The following SLIT1 variants were observed in gnomAD, a reference collection of about 807,000 sequenced individuals.
SLIT1 encodes slit homolog 1 protein.
A neutral mutation model predicts 186.1 loss-of-function variants in SLIT1; 66 were observed. The ratio of observed to expected loss-of-function variants is 0.35; its 90% CI spans 0.29 to 0.44. The LOEUF is 0.44. Ranked by LOEUF, SLIT1 falls within the 20% of genes least tolerant of loss-of-function variation. SLIT1 has a pLI of 1.00. For missense variants in SLIT1, 1,638 were observed against 2,037.4 expected, an observed-to-expected ratio of 0.80 and a Z score of 3.77; for synonymous variants, 761 against 833.8, an observed-to-expected ratio of 0.91 and a Z score of 1.50.
intron 12 of SLIT1, 136 bp downstream of exon 12, chr10:97,057,074 G>T (rs1848844100): frequency 6.1e-6 from 4 of 659,768 alleles, no homozygotes; most frequent in African/African-American, 1.8e-5. Context: ...AGCCCTAGTG[G>T]GTCTGCCTGT....
chr10:97,062,260 C>T (rs1402534261), intron 8 of SLIT1, among the ~76,000 whole-genome samples: 5 of 152,076 alleles, frequency 3.3e-5, no homozygotes, highest in Non-Finnish European at 5.9e-5. Context: ...CAGAGCACAG[C>T]GGTGTTCAAG....
chr10:97,057,150 G>A (rs1441521555), intron 12 of SLIT1, 60 bp downstream of exon 12: 1 of 1,374,360 alleles, frequency 7.3e-7, no homozygotes. Flanking sequence ...AGTCTAGCAG[G>A]CCAGAGGAAA....
chr10:97,029,004 T>C (rs1260142013), intron 25 of SLIT1, among the ~76,000 whole-genome samples: 1 of 152,196 alleles, frequency 6.6e-6, no homozygotes. Flanking sequence ...GGTCCAGCCC[T>C]GGAATCTTCA....
intron 4 of SLIT1, among the ~76,000 whole-genome samples, chr10:97,087,373 C>T (rs773923587): frequency 3.9e-5 from 6 of 152,242 alleles, no homozygotes; most frequent in Non-Finnish European, 7.3e-5. Context: ...CCTGTTCCCC[C>T]AAACAAACAC....
In SLIT1 at chr10:97,004,924, C is replaced by G; in HGVS notation, c.3580-101G>C. The G allele has an allele frequency of 1.4e-6, 2 of 1,422,100 alleles. No homozygotes were observed. The highest frequency in any genetic ancestry group is 3.6e-5 in the Admixed American group (2 of 55,962). 88.1% of individuals were successfully genotyped at this position (1,422,100 alleles called of 1,614,324 possible). A position where few individuals can be genotyped will look rare whatever the true frequency, so the allele number is the denominator to read the frequency against. On this transcript the variant is annotated intron_variant, in intron 32 of 36. Coordinates refer to ENST00000266058, the MANE Select transcript of SLIT1 (RefSeq NM_003061.3). The surrounding 1 kb of genome is among the most constrained non-coding windows in gnomAD (Gnocchi z 5.1). ...GGCACCCAAGATTGGAAGAGAGATG[C>G]TCTGTGCAGAGCGCTCTTCCCCCAC...
At chr10:97,049,721 G>A (rs1302696507) in intron 13 of SLIT1, among the ~76,000 whole-genome samples, 3 of 152,190 alleles carry the variant, frequency 2.0e-5, no homozygotes, top group Non-Finnish European at 2.9e-5. Flanking sequence ...CAGGCCACAG[G>A]AGTGACCTCT....
At chr10:97,135,804 G>A (rs974886334) in intron 4 of SLIT1, among the ~76,000 whole-genome samples, 1 of 152,194 alleles carries the variant, frequency 6.6e-6, no homozygotes, top group Non-Finnish European at 1.5e-5. Flanking sequence ...ACCAGGTCGG[G>A]GAGTGGGTCC....
At chr10:97,173,180 A>G (rs1850212849) in intron 1 of SLIT1, among the ~76,000 whole-genome samples, 1 of 152,144 alleles carries the variant, frequency 6.6e-6, no homozygotes, top group Non-Finnish European at 1.5e-5. Flanking sequence ...CCTCAGGAGG[A>G]AAGAGGAAAG....
chr10:97,079,929 A>G (rs1849086909), intron 4 of SLIT1, among the ~76,000 whole-genome samples: 1 of 152,210 alleles, frequency 6.6e-6, no homozygotes, highest in Non-Finnish European at 1.5e-5. Flanking sequence ...GGGCTGGAGT[A>G]TGGGAAATAG....
intron 4 of SLIT1, among the ~76,000 whole-genome samples, chr10:97,145,122 A>G (rs1006877055): frequency 5.3e-5 from 8 of 152,048 alleles, no homozygotes; most frequent in Admixed American, 2.0e-4. Context: ...AATGATGTAC[A>G]GTATTATTGT....
chr10:97,049,049 A>G lies in SLIT1; in HGVS notation c.1371T>C (p.Asn457=). Reference sequence around the variant, plus strand: ...AGCGGGCACCACTCGTCTCGATGGGATTGGTGCGCAGGAAGTCTGCCAGCC... The same window carrying G: ...AGCGGGCACCACTCGTCTCGATGGGGTTGGTGCGCAGGAAGTCTGCCAGCC... ...LKWLADFLRT[N]PIETSGARCA... is the part of the protein sequence containing the mutation. The change falls in exon 14 of 37, where the codon AAT becomes AAC. Residue 457 remains asparagine (N), a synonymous_variant. Transcript: ENST00000266058. The G allele has an allele frequency of 6.2e-7, 1 of 1,612,976 alleles. No homozygotes were observed. The highest frequency in any genetic ancestry group is 8.5e-7 in the Non-Finnish European group (1 of 1,179,828).
rs1372088645 is a variant in SLIT1 at position 97,021,155 on chromosome 10, G to T, written c.2746+95C>A. ...CTGTCCCCTGACCCCCCGCCCAGCG[G>T]TCACCACAGGGACGCAGGCATGTTA... On this transcript the variant is annotated intron_variant, in intron 26 of 36. Coordinates refer to ENST00000266058, the MANE Select transcript of SLIT1 (RefSeq NM_003061.3). The surrounding 1 kb of genome is among the most constrained non-coding windows in gnomAD (Gnocchi z 4.5). The T allele has an allele frequency of 1.3e-5, 17 of 1,276,460 alleles. No homozygotes were observed. Among genetic ancestry groups the T allele is most frequent in the Non-Finnish European group, 1.8e-5 (17 of 928,376 alleles). 79.1% of individuals were successfully genotyped at this position (1,276,460 alleles called of 1,614,324 possible). A position where few individuals can be genotyped will look rare whatever the true frequency, so the allele number is the denominator to read the frequency against.
At chr10:97,058,183 G>A in intron 11 of SLIT1, 1 of 656,788 alleles carries the variant, frequency 1.5e-6, no homozygotes. Flanking sequence ...GACAGCATCA[G>A]ATTCCCATTT....
intron 25 of SLIT1, among the ~76,000 whole-genome samples, chr10:97,028,353 C>T (rs1458034459): frequency 6.6e-6 from 1 of 151,984 alleles, no homozygotes; most frequent in African/African-American, 2.4e-5. Flanking sequence ...CCACAATTCC[C>T]TTTCTTTACA....
intron 4 of SLIT1, among the ~76,000 whole-genome samples, chr10:97,132,065 G>A (rs1321617410): frequency 6.6e-6 from 1 of 152,184 alleles, no homozygotes; most frequent in African/African-American, 2.4e-5. Flanking sequence ...GCTCCGGGAC[G>A]ATGCCCCATT....
intron 28 of SLIT1, among the ~76,000 whole-genome samples, chr10:97,015,072 G>A (rs1475687919): frequency 6.6e-6 from 1 of 152,122 alleles, no homozygotes; most frequent in East Asian, 1.9e-4. Context: ...TTTCCAAGGG[G>A]TGTGTGGATC....
At position 97,043,663 on chromosome 10, in the gene SLIT1, C is replaced by T. The variant is rs1589372694; in HGVS notation, c.1854-150G>A. On this transcript the variant is annotated intron_variant, in intron 18 of 36. Transcript: ENST00000266058. The surrounding 1 kb of genome is among the most constrained non-coding windows in gnomAD (Gnocchi z 7.0). Reference sequence around the variant, plus strand: ...CCAGGAACACGCACCAGCCAGGCCCCGGCCAGGTGAGGCGAGTTTTACACA... The same window carrying T: ...CCAGGAACACGCACCAGCCAGGCCCTGGCCAGGTGAGGCGAGTTTTACACA... 3 of 784,378 alleles carry T rather than the reference C, an allele frequency of 3.8e-6. No individual in the cohort carries two copies. The highest frequency in any genetic ancestry group is 6.1e-6 in the Non-Finnish European group (3 of 492,828). 48.6% of individuals were successfully genotyped at this position (784,378 alleles called of 1,614,324 possible).
rs1463427556 is a variant in SLIT1 at position 97,022,592 on chromosome 10, G to A, written c.2583-1179C>T. 6.6e-6 allele frequency among the ~76,000 whole-genome samples: 1 copy of A among 152,192 alleles called. No individual in the cohort carries two copies. The highest frequency in any genetic ancestry group is 2.4e-5 in the African/African-American group (1 of 41,442). On this transcript the variant is annotated intron_variant, in intron 25 of 36. Transcript: ENST00000266058. This position sits in a 1 kb window ranked among gnomAD's most constrained non-coding sequence, Gnocchi z 4.2. ...GCAATTGCCTTCTGATCCAGCCATT[G>A]TTTCTGGGCGTTTACCTGTAGGCAC...
intron 4 of SLIT1, among the ~76,000 whole-genome samples, chr10:97,135,288 C>T (rs1298159859): frequency 6.6e-6 from 1 of 152,070 alleles, no homozygotes; most frequent in Admixed American, 6.5e-5. Flanking sequence ...GGCCATTTAA[C>T]ATGGTTCTAA....
Sources: gnomAD v4.1 joint callset for allele counts (sites outside exome capture counted in the v4.1 genomes callset) on GRCh38, gnomAD v4.1.1 for gene constraint, Gnocchi (gnomAD v3.1) non-coding constraint, MANE v1.5 for transcripts, NCBI Gene and HGNC (gene_info 2026-07-23, HGNC 2026-07-21) for gene names.